Variants in PLD5 observed in about 807,000 individuals in gnomAD.
PLD5 encodes inactive phospholipase D5.
A neutral mutation model predicts 61.1 loss-of-function variants in PLD5; 36 were observed. The observed-to-expected ratio is 0.59, with a 90% CI of 0.45 to 0.78. PLD5 has a LOEUF of 0.78. Among genes scored for constraint, PLD5 ranks in the 30% least tolerant of loss-of-function variants. The pLI, the probability that PLD5 is intolerant of heterozygous loss-of-function variation, is 0.00. For synonymous variants in PLD5, 243 were observed against 242.8 expected, an observed-to-expected ratio of 1.00 and a Z score of -0.01; for missense variants, 515 against 644.4, an observed-to-expected ratio of 0.80 and a Z score of 2.17.
At chr1:242,284,518 G>C (rs558490339) in intron 3 of PLD5, among the ~76,000 whole-genome samples, 1 of 152,112 alleles carries the variant, frequency 6.6e-6, no homozygotes, top group African/African-American at 2.4e-5. Flanking sequence ...TGTGCATACC[G>C]CTCTAGGGGT....
intron 5 of PLD5, among the ~76,000 whole-genome samples, chr1:242,190,762 A>T (rs112798327): frequency 0.035 from 5,389 of 152,200 alleles, 148 homozygotes; most frequent in Non-Finnish European, 0.051. Flanking sequence ...GAAAAATCCC[A>T]TACAAGATGG....
chr1:242,131,835 C>CTTTTT (rs10694688), intron 5 of PLD5, among the ~76,000 whole-genome samples: 2 of 122,808 alleles, frequency 1.6e-5, no homozygotes, highest in Non-Finnish European at 1.6e-5. Context: ...TCTTTCTTTC[C>CTTTTT]TTTTTTTTTT....
At chr1:242,309,691 A>G (rs1278280730) in intron 2 of PLD5, among the ~76,000 whole-genome samples, 1 of 149,732 alleles carries the variant, frequency 6.7e-6, no homozygotes, top group African/African-American at 2.4e-5. Context: ...TTTATAATTC[A>G]AACTTTGTTA....
intron 2 of PLD5, among the ~76,000 whole-genome samples, chr1:242,307,918 G>C (rs10754758): frequency 0.71 from 106,949 of 151,306 alleles, 38,416 homozygotes; most frequent in Admixed American, 0.77. Context: ...AGTGTTCAAG[G>C]CTCCAGGGGA....
chr1:242,201,131 C>G (rs192049104), intron 5 of PLD5, among the ~76,000 whole-genome samples: 1 of 152,094 alleles, frequency 6.6e-6, no homozygotes. Flanking sequence ...CATGTTAAAA[C>G]GGGGCAAGCA....
intron 5 of PLD5, among the ~76,000 whole-genome samples, chr1:242,215,494 T>C (rs1670126034): frequency 6.6e-6 from 1 of 152,182 alleles, no homozygotes; most frequent in Non-Finnish European, 1.5e-5. Context: ...CAGCTGTAGA[T>C]ATGCACTTTG....
intron 1 of PLD5, among the ~76,000 whole-genome samples, chr1:242,433,199 G>A (rs577568883): frequency 6.6e-6 from 1 of 152,324 alleles, no homozygotes; most frequent in South Asian, 2.1e-4. Flanking sequence ...AGGCTCAATA[G>A]AGGGTTTTCA....
chr1:242,242,468 A>G (rs1461691190), intron 4 of PLD5, among the ~76,000 whole-genome samples: 2 of 152,242 alleles, frequency 1.3e-5, no homozygotes, highest in Admixed American at 1.3e-4. Flanking sequence ...AAGGTTGCTA[A>G]GCAGAAGAGG....
At chr1:242,097,000 T>C (rs1363798182) in intron 9 of PLD5, among the ~76,000 whole-genome samples, 1 of 150,424 alleles carries the variant, frequency 6.6e-6, no homozygotes, top group African/African-American at 2.4e-5. Context: ...ACATGCGGTG[T>C]TTGGTTTTTT....
chr1:242,124,736 T>C (rs901501910), intron 5 of PLD5, 71 bp from the exon 6 acceptor site: 3 of 1,263,218 alleles, frequency 2.4e-6, no homozygotes, highest in South Asian at 1.3e-5. Flanking sequence ...AAAAAAGGAA[T>C]GCATAAGAAT....
At chr1:242,188,625 A>C (rs571441097) in intron 5 of PLD5, 14 of 152,378 alleles carry the variant, frequency 9.2e-5, no homozygotes, top group African/African-American at 3.4e-4. Flanking sequence ...GGAAACCTGC[A>C]GAATGCAATC....
At chr1:242,280,972 T>C (rs1218455132) in intron 3 of PLD5, among the ~76,000 whole-genome samples, 2 of 152,004 alleles carry the variant, frequency 1.3e-5, no homozygotes, top group Non-Finnish European at 2.9e-5. Flanking sequence ...ATTGTAGGGA[T>C]GGGCAAGAAA....
rs960097839 is a variant in PLD5 at position 242,481,230 on chromosome 1, C to T, written c.189+42858G>A. Among the ~76,000 whole-genome samples the T allele has an allele frequency of 1.3e-4, 20 of 152,292 alleles. 1 individual carries two copies. Among genetic ancestry groups the T allele is most frequent in the East Asian group, 5.8e-4 (3 of 5,170 alleles). ...AGTGGGTGCAGGACAGTGGGTGCAG[C>T]GCACCAAACTTGAGCCAAAGCAGGG... On this transcript the variant is annotated intron_variant, in intron 1 of 9. Coordinates refer to ENST00000536534, the MANE Select transcript of PLD5 (RefSeq NM_001372062.1).
intron 1 of PLD5, among the ~76,000 whole-genome samples, chr1:242,439,287 C>T (rs1475271874): frequency 2.0e-5 from 3 of 152,118 alleles, no homozygotes; most frequent in African/African-American, 4.8e-5. Context: ...ATTCGGAGAC[C>T]GAGGCTGATG....
intron 1 of PLD5, among the ~76,000 whole-genome samples, chr1:242,497,100 T>C (rs923608059): frequency 1.3e-5 from 2 of 152,146 alleles, no homozygotes; most frequent in Non-Finnish European, 2.9e-5. Flanking sequence ...TTAACTTTCA[T>C]GTAAGGGAGA....
At chr1:242,446,663 G>A (rs1666555350) in intron 1 of PLD5, among the ~76,000 whole-genome samples, 1 of 152,194 alleles carries the variant, frequency 6.6e-6, no homozygotes, top group African/African-American at 2.4e-5. Flanking sequence ...GTTAGACACA[G>A]CTGTTTAAGG....
intron 1 of PLD5, among the ~76,000 whole-genome samples, chr1:242,382,261 T>C (rs115309861): frequency 1.4e-3 from 215 of 152,116 alleles, no homozygotes; most frequent in African/African-American, 4.9e-3. Flanking sequence ...AGTAAGTAGG[T>C]GAAGATTGAC....
chr1:242,163,803 AGAGCAGGAT>A (rs1243498025), intron 5 of PLD5, among the ~76,000 whole-genome samples: 1 of 150,906 alleles, frequency 6.6e-6, no homozygotes, highest in Non-Finnish European at 1.5e-5. Flanking sequence ...AGATGATCAA[AGAGCAGGAT>A]GAGCAGGGAG....
At chr1:242,521,534 T>C (rs890927486) in intron 1 of PLD5, among the ~76,000 whole-genome samples, 1 of 152,254 alleles carries the variant, frequency 6.6e-6, no homozygotes, top group Non-Finnish European at 1.5e-5. Flanking sequence ...TCATAACTTA[T>C]TTATTTCCTT....
Sources: gnomAD v4.1 joint callset for allele counts (sites outside exome capture counted in the v4.1 genomes callset) on GRCh38, gnomAD v4.1.1 for gene constraint, MANE v1.5 for transcripts, NCBI Gene and HGNC (gene_info 2026-07-23, HGNC 2026-07-21) for gene names.